The following NXPH1 variants were observed in gnomAD, a reference collection of about 807,000 sequenced individuals.
NXPH1 encodes the protein neurexophilin 1, also known as neurexophilin-1.
A neutral mutation model predicts 23.7 loss-of-function variants in NXPH1; 5 were observed. The observed-to-expected ratio is 0.21, with a 90% CI of 0.11 to 0.44. The LOEUF is 0.44. Among genes scored for constraint, NXPH1 ranks in the 20% least tolerant of loss-of-function variants. NXPH1 has a pLI of 0.99. For synonymous variants in NXPH1, 144 were observed against 122.2 expected, an observed-to-expected ratio of 1.18 and a Z score of -1.18; for missense variants, 324 against 321.6, an observed-to-expected ratio of 1.01 and a Z score of -0.06.
intron 2 of NXPH1, among the ~76,000 whole-genome samples, chr7:8,582,689 G>T (rs972455994): frequency 2.0e-5 from 3 of 152,132 alleles, no homozygotes; most frequent in African/African-American, 7.2e-5. Flanking sequence ...GGGAGGAAGT[G>T]CATGCTGATT....
At chr7:8,646,904 T>C (rs1160163420) in intron 2 of NXPH1, among the ~76,000 whole-genome samples, 4 of 151,402 alleles carry the variant, frequency 2.6e-5, no homozygotes, top group Non-Finnish European at 4.4e-5. Context: ...CTCGGGTGCA[T>C]GATGGGTAGG....
At chr7:8,731,420 C>A (rs921569227) in intron 2 of NXPH1, among the ~76,000 whole-genome samples, 4 of 152,180 alleles carry the variant, frequency 2.6e-5, no homozygotes, top group African/African-American at 4.8e-5. Flanking sequence ...AGGCGCTCTG[C>A]TTTTTAGAGT....
chr7:8,644,275 C>T (rs149586834), intron 2 of NXPH1, among the ~76,000 whole-genome samples: 1 of 152,300 alleles, frequency 6.6e-6, no homozygotes, highest in East Asian at 1.9e-4. Context: ...CCAACACTGA[C>T]ACAGCAGTTG....
intron 2 of NXPH1, among the ~76,000 whole-genome samples, chr7:8,661,498 T>G (rs1309851369): frequency 6.6e-6 from 1 of 152,134 alleles, no homozygotes; most frequent in African/African-American, 2.4e-5. Flanking sequence ...TGAAGTCATG[T>G]TTTTTGTTTT....
chr7:8,591,962 CATT>C (rs533076553), intron 2 of NXPH1, among the ~76,000 whole-genome samples: 101 of 151,722 alleles, frequency 6.7e-4, no homozygotes, highest in South Asian at 2.1e-3. Flanking sequence ...AACAGATACT[CATT>C]ATCATCTTTC....
intron 2 of NXPH1, among the ~76,000 whole-genome samples, chr7:8,619,036 A>G (rs996406667): frequency 1.3e-5 from 2 of 152,140 alleles, no homozygotes; most frequent in Non-Finnish European, 2.9e-5. Flanking sequence ...TACAAAAGAG[A>G]TGGTTTCAGT....
At chr7:8,638,719 T>C (rs77085118) in intron 2 of NXPH1, among the ~76,000 whole-genome samples, 8,155 of 152,250 alleles carry the variant, frequency 0.054, 450 homozygotes, top group East Asian at 0.17. Context: ...ATGATTATTG[T>C]GTTTAATGTT....
chr7:8,672,828 G>T (rs1484202551), intron 2 of NXPH1, among the ~76,000 whole-genome samples: 1 of 152,110 alleles, frequency 6.6e-6, no homozygotes, highest in East Asian at 1.9e-4. Context: ...AGTCTGCTCT[G>T]CCATCTCTTT....
At position 8,662,183 on chromosome 7, in the gene NXPH1, T is replaced by TACACAC. The variant is rs772400655; in HGVS notation, c.55-88824_55-88823insCACACA. 1.6e-3 allele frequency among the ~76,000 whole-genome samples: 91 copies of TACACAC among 55,786 alleles called. 1 individual carries two copies. The East Asian group carries it at 0.13, about 79-fold the overall frequency. The allele number at this position is 55,786 out of a possible 152,430, so 36.6% of individuals were successfully genotyped here. A position where few individuals can be genotyped will look rare whatever the true frequency, so the allele number is the denominator to read the frequency against. On this transcript the variant is annotated intron_variant, in intron 2 of 2. Transcript: ENST00000405863. The stretch of plus-strand genomic sequence containing the variant: ...TGGCATATGATTTTATATATATATA[T>TACACAC]ATATATACACACATATATATATACA...
At chr7:8,637,235 T>G (rs946077679) in intron 2 of NXPH1, among the ~76,000 whole-genome samples, 24 of 151,958 alleles carry the variant, frequency 1.6e-4, no homozygotes, top group Admixed American at 1.2e-3. Flanking sequence ...CTTTTTTTTT[T>G]TTTGAGAGAG....
chr7:8,689,421 G>A (rs1042787824), intron 2 of NXPH1, among the ~76,000 whole-genome samples: 4 of 152,120 alleles, frequency 2.6e-5, no homozygotes, highest in African/African-American at 9.7e-5. Flanking sequence ...AAAAGTATGG[G>A]CAAGTTTAAA....
At chr7:8,550,835 T>C (rs770297649) in intron 2 of NXPH1, among the ~76,000 whole-genome samples, 2 of 151,542 alleles carry the variant, frequency 1.3e-5, no homozygotes, top group Non-Finnish European at 3.0e-5. Context: ...TACCATTTAA[T>C]GGGTGGATAA....
chr7:8,543,158 A>G (rs1818144833), intron 2 of NXPH1, among the ~76,000 whole-genome samples: 2 of 151,536 alleles, frequency 1.3e-5, no homozygotes, highest in Non-Finnish European at 3.0e-5. Context: ...TGCTCAATAC[A>G]TATACTGCTA....
At chr7:8,613,601 T>C (rs1819665912) in intron 2 of NXPH1, among the ~76,000 whole-genome samples, 1 of 151,984 alleles carries the variant, frequency 6.6e-6, no homozygotes. Flanking sequence ...GATATCTTTG[T>C]AAAAAGGGAC....
intron 2 of NXPH1, among the ~76,000 whole-genome samples, chr7:8,518,852 T>A (rs199519897): frequency 6.6e-6 from 1 of 152,176 alleles, no homozygotes; most frequent in African/African-American, 2.4e-5. Context: ...GTTTCCACTG[T>A]TGAAGTAATA....
chr7:8,698,124 G>T (rs534727132), intron 2 of NXPH1, among the ~76,000 whole-genome samples: 3 of 152,240 alleles, frequency 2.0e-5, no homozygotes, highest in African/African-American at 7.2e-5. Context: ...TTACTAGGAG[G>T]CTTTCGGAGT....
intron 2 of NXPH1, among the ~76,000 whole-genome samples, chr7:8,563,670 G>C (rs1011347819): frequency 6.6e-6 from 1 of 151,696 alleles, no homozygotes; most frequent in Non-Finnish European, 1.5e-5. Context: ...TTCTGGTTGG[G>C]GGAAAAGGTT....
intron 2 of NXPH1, among the ~76,000 whole-genome samples, chr7:8,597,315 G>C (rs1296121632): frequency 6.6e-6 from 1 of 152,048 alleles, no homozygotes; most frequent in Non-Finnish European, 1.5e-5. Flanking sequence ...GGACATGCAT[G>C]GTGGACAGAC....
At chr7:8,590,926 T>A (rs776719322) in intron 2 of NXPH1, among the ~76,000 whole-genome samples, 6 of 152,080 alleles carry the variant, frequency 3.9e-5, no homozygotes, top group Non-Finnish European at 7.4e-5. Context: ...AAAAATTACA[T>A]CGGCTTTCTG....
Sources: allele counts gnomAD v4.1 joint callset (sites outside exome capture counted in the v4.1 genomes callset), GRCh38; gene constraint gnomAD v4.1.1; transcripts MANE v1.5; gene names NCBI Gene and HGNC (gene_info 2026-07-23, HGNC 2026-07-21).